PITPNC1: variants seen among roughly 807,000 people sequenced by gnomAD.
PITPNC1 encodes phosphatidylinositol transfer protein cytoplasmic 1, also known as cytoplasmic phosphatidylinositol transfer protein 1.
PITPNC1 carries 18 observed loss-of-function variants against 44.7 expected under a neutral mutation model. The observed-to-expected ratio is 0.40, with a 90% CI of 0.28 to 0.60. The LOEUF (loss-of-function observed/expected upper bound fraction) is 0.60. PITPNC1 is among the 20% of genes least tolerant of loss of function. PITPNC1 has a pLI of 0.39. For missense variants in PITPNC1, 290 were observed against 418.4 expected (o/e 0.69, Z 2.68); for synonymous variants, 141 against 149.6 (o/e 0.94, Z 0.42).
At chr17:67,396,378 T>G (rs1390930324) in intron 1 of PITPNC1, among the ~76,000 whole-genome samples, 1 of 152,208 alleles carries the variant, frequency 6.6e-6, no homozygotes, top group East Asian at 1.9e-4. Flanking sequence ...TTTTCTTTCT[T>G]TCTTTATTTT....
At chr17:67,679,000 C>T (rs1046347450) in intron 8 of PITPNC1, among the ~76,000 whole-genome samples, 1 of 152,186 alleles carries the variant, frequency 6.6e-6, no homozygotes, top group Non-Finnish European at 1.5e-5. Flanking sequence ...TTCTCAGGCC[C>T]CACCCCAAAC....
chr17:67,413,640 A>G (rs1452367998), intron 1 of PITPNC1, among the ~76,000 whole-genome samples: 1 of 152,102 alleles, frequency 6.6e-6, no homozygotes, highest in Non-Finnish European at 1.5e-5. Context: ...GAGGAGTTTG[A>G]TGCATGCTGG....
chr17:67,486,445 G>A (rs2039779059), intron 1 of PITPNC1, among the ~76,000 whole-genome samples: 1 of 152,106 alleles, frequency 6.6e-6, no homozygotes, highest in South Asian at 2.1e-4. Context: ...GTCTTGCTAA[G>A]CTTGTGTCTG....
intron 1 of PITPNC1, among the ~76,000 whole-genome samples, chr17:67,408,219 AC>A (rs1477946458): frequency 6.6e-6 from 1 of 152,048 alleles, no homozygotes; most frequent in Admixed American, 6.6e-5. Flanking sequence ...CTCCCAAAGT[AC>A]TAGGATTACA....
At position 67,377,440 on chromosome 17, in the gene PITPNC1, C is replaced by A. The variant is rs1373760733; in HGVS notation, c.-715C>A. The A allele has an allele frequency of 6.5e-6, 1 of 152,890 alleles. No individual in the cohort carries two copies. 9.5% of individuals were successfully genotyped at this position (152,890 alleles called of 1,614,324 possible). ...GGCGCCAGCTTCCTCCCGCCCGCCC[C>A]TGGCAGCCGCGAGCCGAGGTTGGAG... On this transcript the variant is annotated 5_prime_UTR_variant, in exon 1 of 9. It adds an upstream start codon to the 5' untranslated region. Coordinates refer to ENST00000581322, the MANE Select transcript of PITPNC1 (RefSeq NM_012417.4).
At chr17:67,683,398 G>A (rs1415217728) in intron 8 of PITPNC1, among the ~76,000 whole-genome samples, 2 of 152,106 alleles carry the variant, frequency 1.3e-5, no homozygotes, top group African/African-American at 4.8e-5. Context: ...GCTAGACAGT[G>A]CATTTTACCA....
At chr17:67,449,058 T>G (rs1036301871) in intron 1 of PITPNC1, among the ~76,000 whole-genome samples, 9 of 152,364 alleles carry the variant, frequency 5.9e-5, no homozygotes, top group Non-Finnish European at 1.3e-4. Context: ...TGAGCCAGCA[T>G]GCTCAGCCAG....
At chr17:67,494,209 C>CTTTCTTTCTTTCTTTCTTTCT (rs1568012961) in intron 1 of PITPNC1, among the ~76,000 whole-genome samples, 7 of 146,880 alleles carry the variant, frequency 4.8e-5, no homozygotes, top group African/African-American at 1.8e-4. Flanking sequence ...TTCTTTCTTT[C>CTTTCTTTCTTTCTTTCTTTCT]TTTCTTTTTG....
At chr17:67,466,734 C>G (rs1021433871) in intron 1 of PITPNC1, among the ~76,000 whole-genome samples, 3 of 152,074 alleles carry the variant, frequency 2.0e-5, no homozygotes, top group Admixed American at 2.0e-4. Context: ...TGAACAGGAC[C>G]CTCTGGGAGT....
At chr17:67,455,265 A>G (rs564617276) in intron 1 of PITPNC1, among the ~76,000 whole-genome samples, 4 of 152,308 alleles carry the variant, frequency 2.6e-5, no homozygotes, top group African/African-American at 7.2e-5. Flanking sequence ...ATACTGTGTT[A>G]AAATTTACTA....
At chr17:67,599,034 A>ATATATATATTT (rs1461493250) in intron 5 of PITPNC1, among the ~76,000 whole-genome samples, 3 of 35,672 alleles carry the variant, frequency 8.4e-5, no homozygotes, top group East Asian at 1.8e-3. Context: ...ATATATATAT[A>ATATATATATTT]TTTTTTTTTT....
At chr17:67,610,158 G>A (rs1177178123) in intron 5 of PITPNC1, among the ~76,000 whole-genome samples, 3 of 152,160 alleles carry the variant, frequency 2.0e-5, no homozygotes, top group Admixed American at 6.5e-5. Flanking sequence ...TTAAGTGCCA[G>A]CATTACCTGG....
chr17:67,552,363 C>G lies in PITPNC1; in HGVS notation c.286+18C>G, dbSNP rs751391832. 9.4e-6 allele frequency: 11 copies of G among 1,176,408 alleles called. No homozygotes were observed. In the South Asian group the frequency reaches 1.3e-4, roughly 14 times the overall value. The allele number at this position is 1,176,408 out of a possible 1,614,324, so 72.9% of individuals were successfully genotyped here. A position where few individuals can be genotyped will look rare whatever the true frequency, so the allele number is the denominator to read the frequency against. ...AATTACAGGTAAGTCCTTAGTACAA[C>G]CATATGGCACATGTAGTGAGTGCAA... is the stretch of plus-strand genomic sequence containing the variant. On this transcript the variant is annotated intron_variant, in intron 3 of 8. Coordinates refer to ENST00000581322, the MANE Select transcript of PITPNC1 (RefSeq NM_012417.4).
At position 67,516,776 on chromosome 17, in the gene PITPNC1, G is replaced by A. The variant is rs1423317014; in HGVS notation, c.49-16026G>A. ...TGAGATTACAGGCGCCCGCCACCAC[G>A]CCTGGTTAATTTTTGTATTTTTAGT... On this transcript the variant is annotated intron_variant, in intron 1 of 8. Transcript: ENST00000581322. Among the ~76,000 whole-genome samples, 4 of 152,224 alleles carry A rather than the reference G, an allele frequency of 2.6e-5. No individual in the cohort carries two copies. In the East Asian group the frequency reaches 5.8e-4, roughly 22 times the overall value.
At chr17:67,689,289 G>A (rs921990679) in intron 8 of PITPNC1, among the ~76,000 whole-genome samples, 5 of 152,012 alleles carry the variant, frequency 3.3e-5, no homozygotes, top group African/African-American at 4.8e-5. Context: ...AGGTGATAAC[G>A]TAGAGTGGTT....
At chr17:67,470,468 A>C (rs1039215714) in intron 1 of PITPNC1, among the ~76,000 whole-genome samples, 2 of 152,226 alleles carry the variant, frequency 1.3e-5, no homozygotes, top group African/African-American at 4.8e-5. Flanking sequence ...TGCCTTTCTT[A>C]AAGTTTCCTA....
chr17:67,673,017 G>A (rs894824109), intron 7 of PITPNC1, among the ~76,000 whole-genome samples: 1 of 152,180 alleles, frequency 6.6e-6, no homozygotes, highest in African/African-American at 2.4e-5. Context: ...CTGATGCCTC[G>A]ATGCTGTTCT....
At position 67,692,723 on chromosome 17, in the gene PITPNC1, C is replaced by A. The variant is rs1301711408; in HGVS notation, c.834C>A (p.Thr278=). 41 of 1,613,712 alleles carry A rather than the reference C, an allele frequency of 2.5e-5. No homozygotes were observed. The highest frequency in any genetic ancestry group is 3.3e-5 in the Non-Finnish European group (39 of 1,179,842). ...VRSAPSSAPS[T]PLSTDAPEFL... ...GTGCGCCTTCTAGTGCTCCATCCAC[C>A]CCTCTCTCCACAGACGCACCCGAAT... is the stretch of plus-strand genomic sequence containing the variant. Residue 278 remains threonine (T), a synonymous_variant, in exon 9 of 9, where the codon ACC becomes ACA. Transcript: ENST00000581322.
chr17:67,482,967 G>A (rs1237486000), intron 1 of PITPNC1, among the ~76,000 whole-genome samples: 2 of 151,328 alleles, frequency 1.3e-5, no homozygotes, highest in East Asian at 1.9e-4. Context: ...CTGCCCTGCC[G>A]CCCTGTACCA....
Sources: allele counts gnomAD v4.1 joint callset (sites outside exome capture counted in the v4.1 genomes callset), GRCh38; gene constraint gnomAD v4.1.1; transcripts MANE v1.5; gene names NCBI Gene and HGNC (gene_info 2026-07-23, HGNC 2026-07-21).